Variants in RIC3 observed in about 807,000 individuals in gnomAD.
The protein encoded by RIC3 is protein RIC-3.
RIC3 carries 28 observed loss-of-function variants against 27.3 expected under a neutral mutation model. The observed-to-expected ratio is 1.02, with a 90% CI of 0.76 to 1.41. The LOEUF (loss-of-function observed/expected upper bound fraction) is 1.41. Ranked by LOEUF, RIC3 falls within the 40% of genes most tolerant of loss-of-function variation. RIC3 has a pLI of 0.00. For missense variants in RIC3, 501 were observed against 444.7 expected (o/e 1.13, Z -1.14); for synonymous variants, 184 against 160.4 (o/e 1.15, Z -1.11).
At chr11:8,164,056 C>T (rs147440321) in intron 1 of RIC3, among the ~76,000 whole-genome samples, 105 of 152,216 alleles carry the variant, frequency 6.9e-4, no homozygotes, top group African/African-American at 2.3e-3. Flanking sequence ...CATTTAGAGT[C>T]AACTGATTTG....
At chr11:8,129,990 T>C (rs1038068738) in intron 4 of RIC3, among the ~76,000 whole-genome samples, 37 of 152,220 alleles carry the variant, frequency 2.4e-4, no homozygotes, top group African/African-American at 8.4e-4. Flanking sequence ...CTTATGTACT[T>C]TCCCTTCTTT....
At chr11:8,094,822 G>A in the RIC3 span, among the ~76,000 whole-genome samples, 5 of 152,330 alleles carry the variant, frequency 3.3e-5, no homozygotes, top group Admixed American at 6.5e-5. Flanking sequence ...ACTGCGTCAC[G>A]GTTGGACAGT....
the RIC3 span, chr11:8,096,557 G>C: frequency 9.8e-6 from 7 of 716,236 alleles, no homozygotes; most frequent in South Asian, 9.5e-5. Flanking sequence ...ATATGGCTAA[G>C]AGTGTGTGCA....
intron 1 of RIC3, among the ~76,000 whole-genome samples, chr11:8,165,086 T>C (rs1951559296): frequency 6.6e-6 from 1 of 152,134 alleles, no homozygotes. Flanking sequence ...CTTTGGAAAA[T>C]GGTCTGGCAG....
At chr11:8,105,310 T>A (rs535335635), downstream of RIC3, 8 of 152,318 alleles carry the variant, frequency 5.3e-5, no homozygotes, top group African/African-American at 1.9e-4. Context: ...GGGACCTGAA[T>A]GACCTGCAGT....
the RIC3 span, chr11:8,095,579 A>T: frequency 7.4e-6 from 12 of 1,613,242 alleles, no homozygotes; most frequent in South Asian, 1.3e-4. Context: ...GGCCAGTCAG[A>T]CCACGCCCAG....
At chr11:8,098,924 CCAG>C in the RIC3 span, 2 of 1,382,184 alleles carry the variant, frequency 1.4e-6, no homozygotes, top group African/African-American at 2.8e-5. Context: ...GATATGAAAT[CCAG>C]GACTTGATGC....
In RIC3 at chr11:8,107,667, G is replaced by A. The variant is rs890686160; in HGVS notation, c.*3031C>T. 1 of 152,184 alleles carries A rather than the reference G, an allele frequency of 6.6e-6. No individual in the cohort carries two copies. Among genetic ancestry groups the A allele is most frequent in the Non-Finnish European group, 1.5e-5 (1 of 68,068 alleles). The allele number at this position is 152,184 out of a possible 1,614,324, so 9.4% of individuals were successfully genotyped here. A position where few individuals can be genotyped will look rare whatever the true frequency, so the allele number is the denominator to read the frequency against. On this transcript the variant is annotated 3_prime_UTR_variant, in exon 6 of 6. Coordinates refer to ENST00000309737, the MANE Select transcript of RIC3 (RefSeq NM_001206671.4). ...TCCACTCCTCATCACGACTCCCTGG[G>A]CCCAGCTTCTGGAGCTAGTCATGGA...
chr11:8,121,436 C>T lies in RIC3; in HGVS notation c.670+5223G>A, dbSNP rs540243635. Among the ~76,000 whole-genome samples, 4 of 152,220 alleles carry T rather than the reference C, an allele frequency of 2.6e-5. No individual in the cohort carries two copies. In the South Asian group the frequency reaches 8.3e-4, roughly 32 times the overall value. On this transcript the variant is annotated intron_variant, in intron 5 of 5. Coordinates refer to ENST00000309737, the MANE Select transcript of RIC3 (RefSeq NM_001206671.4). ...CTTTTTAATATATTAAATATATCCA[C>T]CAGGCGCAGTGGCTCACGTCTGTAA...
In RIC3 at chr11:8,132,381, C is replaced by A. The variant is rs533065154; in HGVS notation, c.521+4997G>T. 5.3e-5 allele frequency among the ~76,000 whole-genome samples: 8 copies of A among 152,240 alleles called. No homozygotes were observed. The South Asian group carries it at 8.3e-4, about 16-fold the overall frequency. On this transcript the variant is annotated intron_variant, in intron 4 of 5. Coordinates refer to ENST00000309737, the MANE Select transcript of RIC3 (RefSeq NM_001206671.4). ...AAATCGTTACATTCCTCCTCAAAAG[C>A]CTTCAGAGTCAAAATATGTGTGTGT...
intron 5 of RIC3, among the ~76,000 whole-genome samples, chr11:8,115,319 A>AC (rs1945724764): frequency 6.6e-6 from 1 of 152,030 alleles, no homozygotes; most frequent in East Asian, 1.9e-4. Context: ...AAAAACAAAA[A>AC]AAAAAAAGGT....
At chr11:8,148,644 C>A (rs1166885725) in intron 1 of RIC3, among the ~76,000 whole-genome samples, 1 of 150,808 alleles carries the variant, frequency 6.6e-6, no homozygotes, top group Non-Finnish European at 1.5e-5. Flanking sequence ...TTTTATAGAT[C>A]TGTCAGCCAG....
intron 4 of RIC3, among the ~76,000 whole-genome samples, chr11:8,136,108 G>A (rs1297931276): frequency 1.3e-5 from 2 of 152,154 alleles, no homozygotes; most frequent in East Asian, 1.9e-4. Context: ...GCCCACACAG[G>A]CAAGGTTCAT....
rs1479523438 is a variant in RIC3, at chr11:8,115,297, G to GAAAACA, written c.671-4166_671-4161dup. Among the ~76,000 whole-genome samples, 24 of 149,188 alleles carry GAAAACA rather than the reference G, an allele frequency of 1.6e-4. No homozygotes were observed. The East Asian group carries it at 4.5e-3, about 28-fold the overall frequency. On this transcript the variant is annotated intron_variant, in intron 5 of 5. Transcript: ENST00000309737. ...GGATAATATATTCAAAATGCTTACG[G>GAAAACA]AAAACAAAAACAAAAACAAAAAAAA...
intron 1 of RIC3, among the ~76,000 whole-genome samples, chr11:8,148,486 T>C (rs930851058): frequency 2.6e-5 from 4 of 152,236 alleles, no homozygotes; most frequent in African/African-American, 7.2e-5. Context: ...AGTATTATGT[T>C]GTGGAACTTC....
intron 1 of RIC3, chr11:8,153,547 C>A (rs181197920): frequency 3.0e-6 from 1 of 335,180 alleles, no homozygotes; most frequent in South Asian, 2.5e-5. Context: ...TCTTTTTCCA[C>A]TGGTCCTTCA....
At chr11:8,140,228 CTATTT>C (rs1366279914) in intron 1 of RIC3, 35 bp from the exon 2 acceptor site, 1 of 1,575,476 alleles carries the variant, frequency 6.3e-7, no homozygotes, top group Non-Finnish European at 8.7e-7. Context: ...ATCTCTTCTA[CTATTT>C]TAAAGATGGC....
chr11:8,101,095 T>G, downstream of RIC3: 1 of 1,407,302 alleles, frequency 7.1e-7, no homozygotes. Flanking sequence ...TGGCTAGAGT[T>G]TAAGAATGTG....
intron 5 of RIC3, among the ~76,000 whole-genome samples, chr11:8,122,869 A>G (rs1487254589): frequency 6.7e-6 from 1 of 150,048 alleles, no homozygotes; most frequent in Non-Finnish European, 1.5e-5. Flanking sequence ...GTATGCAAAA[A>G]AAAAAAAAAA....
Sources: gnomAD v4.1 joint callset for allele counts (sites outside exome capture counted in the v4.1 genomes callset) on GRCh38, gnomAD v4.1.1 for gene constraint, MANE v1.5 for transcripts, NCBI Gene and HGNC (gene_info 2026-07-23, HGNC 2026-07-21) for gene names.